The following FGL1 variants were observed in gnomAD, a reference collection of about 807,000 sequenced individuals.
FGL1 encodes fibrinogen like 1.
FGL1 carries 59 observed loss-of-function variants against 43.7 expected under a neutral mutation model. The observed-to-expected ratio is 1.35, with a 90% confidence interval of 1.10 to 1.68. The LOEUF (loss-of-function observed/expected upper bound fraction) is 1.68, where lower values mean the gene tolerates loss of function less well. Ranked by LOEUF, FGL1 falls within the 40% of genes most tolerant of loss-of-function variation. The probability of loss-of-function intolerance (pLI) is 0.00; values close to 1 mark genes in which losing one functional copy is unlikely to be tolerated. For synonymous variants in FGL1, 192 were observed against 126.5 expected, an observed-to-expected ratio of 1.52 and a Z score of -3.48; for missense variants, 596 against 373.0, an observed-to-expected ratio of 1.60 and a Z score of -4.92.
chr8:17,894,722 C>T (rs1329630696), intron 1 of FGL1, among the ~76,000 whole-genome samples: 1 of 146,468 alleles, frequency 6.8e-6, no homozygotes, highest in East Asian at 1.9e-4. Flanking sequence ...CAAAAAACGC[C>T]TAGAGCTTAA....
intron 2 of FGL1, chr8:17,882,738 T>C (rs1451895111): frequency 3.6e-5 from 4 of 112,588 alleles, no homozygotes; most frequent in Admixed American, 9.6e-5. Context: ...TGCATATAAA[T>C]AATATATAAT....
rs559630867 is a variant in FGL1 at position 17,876,542 on chromosome 8, T to C, written c.245-2021A>G. ...CTAAATTATAAAAAGGATCCTGTTT[T>C]GGCAATTAAACAAGAAGCAAAACAA... On this transcript the variant is annotated intron_variant, in intron 3 of 7. Transcript: ENST00000427924. 2.6e-5 allele frequency among the ~76,000 whole-genome samples: 4 copies of C among 152,318 alleles called. No individual in the cohort carries two copies. The East Asian group carries it at 5.8e-4, about 22-fold the overall frequency.
Position 17,895,377 on chromosome 8 carries a change from T to G in FGL1, c.-18+70A>C. The G allele has an allele frequency of 2.4e-6, 3 of 1,272,322 alleles. No individual in the cohort carries two copies. The South Asian group carries it at 3.8e-5, about 16-fold the overall frequency. 78.8% of individuals were successfully genotyped at this position (1,272,322 alleles called of 1,614,324 possible). ...TGGTTGTTACCTGAGTTTTGGTTAC[T>G]ATCATACCTGTGAAATAAATTAGCA... On this transcript the variant is annotated intron_variant, in intron 1 of 7. Coordinates refer to ENST00000427924, the MANE Select transcript of FGL1 (RefSeq NM_004467.4).
chr8:17,874,390 G>T lies in FGL1; in HGVS notation c.376C>A (p.Arg126=), dbSNP rs61744652. 2 of 1,613,786 alleles carry T rather than the reference G, an allele frequency of 1.2e-6. No individual in the cohort carries two copies. Among genetic ancestry groups the T allele is most frequent in the Non-Finnish European group, 1.7e-6 (2 of 1,179,866 alleles). ...TTAAAGTTTTCACTGCCATCAGATC[G>T]TCTCTGAATTACAGTCCATCCTCCT... is the stretch of plus-strand genomic sequence containing the variant. The part of the protein sequence containing the change: ...DGGGWTVIQR[R]SDGSENFNRG... Residue 126 remains arginine, a synonymous_variant, in exon 4 of 8, where the codon CGA becomes AGA. Coordinates refer to ENST00000427924, the MANE Select transcript of FGL1 (RefSeq NM_004467.4).
intron 3 of FGL1, among the ~76,000 whole-genome samples, chr8:17,879,772 C>T (rs907953570): frequency 2.0e-5 from 3 of 152,012 alleles, no homozygotes; most frequent in Non-Finnish European, 2.9e-5. Context: ...TTCGTTATAG[C>T]GGTATGAGAA....
At chr8:17,868,784 T>C (rs759531418) in intron 6 of FGL1, 49 bp from the exon 7 acceptor site, 32 of 1,532,256 alleles carry the variant, frequency 2.1e-5, no homozygotes, top group Non-Finnish European at 2.8e-5. Flanking sequence ...TCTATGACCA[T>C]TTTAAAATTA....
In FGL1 at chr8:17,895,488, C is replaced by A. The variant is rs774817160; in HGVS notation, c.-59G>T. 2.4e-5 allele frequency: 31 copies of A among 1,285,386 alleles called. No individual in the cohort carries two copies. The highest frequency in any genetic ancestry group is 3.0e-5 in the Non-Finnish European group (30 of 985,206). The allele number at this position is 1,285,386 out of a possible 1,614,324, so 79.6% of individuals were successfully genotyped here. On this transcript the variant is annotated 5_prime_UTR_variant, in exon 1 of 8. Transcript: ENST00000427924. ...GTCAGAGACCCAGCTCAGGTTCCAT[C>A]CAGACACTCTGCTTCCCAGGATCCT...
At chr8:17,869,385 GA>G (rs1198773214) in intron 5 of FGL1, among the ~76,000 whole-genome samples, 1 of 152,120 alleles carries the variant, frequency 6.6e-6, no homozygotes, top group African/African-American at 2.4e-5. Context: ...TAAGAATGTT[GA>G]TCTTGAATAT....
chr8:17,877,896 A>G (rs2517307), intron 3 of FGL1, among the ~76,000 whole-genome samples: 109,713 of 151,618 alleles, frequency 0.72, 40,225 homozygotes, highest in Non-Finnish European at 0.79. Flanking sequence ...AATAATGTCC[A>G]TAGATAGCTG....
At chr8:17,876,112 A>C (rs1016775234) in intron 3 of FGL1, among the ~76,000 whole-genome samples, 1 of 152,212 alleles carries the variant, frequency 6.6e-6, no homozygotes, top group Non-Finnish European at 1.5e-5. Context: ...CAAACATTTG[A>C]ATAAAAATAC....
Position 17,864,720 on chromosome 8 carries a change from A to G in FGL1, c.811T>C (p.Tyr271His), listed in dbSNP as rs1160338060. ...GTTTTAGCCGTGTAGGGGCCGCTGT[A>G]GTATACACCATTCAGGTTTGCAGAG... ...CHSANLNGVY[Y>H]SGPYTAKTDN... Residue 271 changes from tyrosine to histidine, a missense_variant, in exon 8 of 8, where the codon TAC (tyrosine) becomes CAC (histidine). By Grantham distance (83) the Tyr-to-His change is moderately conservative (BLOSUM62 2). Transcript: ENST00000427924. The G allele has an allele frequency of 1.3e-6, 2 of 1,592,640 alleles. No homozygotes were observed. Among genetic ancestry groups the G allele is most frequent in the Non-Finnish European group, 8.5e-7 (1 of 1,172,334 alleles).
intron 1 of FGL1, among the ~76,000 whole-genome samples, chr8:17,889,026 A>G (rs1226310050): frequency 2.6e-5 from 4 of 152,170 alleles, no homozygotes; most frequent in African/African-American, 9.7e-5. Context: ...TGGGACAGTA[A>G]GCGTAGTTCC....
chr8:17,891,136 A>G (rs926361372), intron 1 of FGL1: 2 of 152,156 alleles, frequency 1.3e-5, no homozygotes, highest in Non-Finnish European at 2.9e-5. Flanking sequence ...GGCTACATCT[A>G]TTATGTATAC....
In FGL1 at chr8:17,874,995, A is replaced by T. The variant is rs114378712; in HGVS notation, c.245-474T>A. 1.3e-3 allele frequency among the ~76,000 whole-genome samples: 195 copies of T among 152,206 alleles called. 1 individual carries two copies. The highest frequency in any genetic ancestry group is 4.5e-3 in the African/African-American group (185 of 41,540). ...AACAAGTTATGAGTAGTCTGTTAAT[A>T]ACAGTATATTTAGGTGGAACTTACA... On this transcript the variant is annotated intron_variant, in intron 3 of 7. Coordinates refer to ENST00000427924, the MANE Select transcript of FGL1 (RefSeq NM_004467.4).
chr8:17,889,745 C>G, intron 1 of FGL1, among the ~76,000 whole-genome samples: 1 of 152,298 alleles, frequency 6.6e-6, no homozygotes, highest in Non-Finnish European at 1.5e-5. Flanking sequence ...CCTGGTTAAT[C>G]CTTTCTTACT....
intron 7 of FGL1, among the ~76,000 whole-genome samples, chr8:17,865,552 T>G (rs1265791871): frequency 6.6e-6 from 1 of 152,222 alleles, no homozygotes; most frequent in Non-Finnish European, 1.5e-5. Flanking sequence ...GTTGCTGAGT[T>G]AATTTTTTAC....
intron 1 of FGL1, among the ~76,000 whole-genome samples, chr8:17,888,418 C>T (rs2053659917): frequency 1.3e-5 from 2 of 152,132 alleles, no homozygotes; most frequent in South Asian, 4.1e-4. Flanking sequence ...AAGATAAAAA[C>T]ATTGACTGCA....
chr8:17,880,191 T>C (rs2467073), intron 3 of FGL1, among the ~76,000 whole-genome samples: 29,274 of 151,932 alleles, frequency 0.19, 3,819 homozygotes, highest in African/African-American at 0.37. Context: ...TTCTGATCTC[T>C]AAGGGCCAGA....
At chr8:17,890,739 G>A (rs904882113) in intron 1 of FGL1, among the ~76,000 whole-genome samples, 2 of 152,162 alleles carry the variant, frequency 1.3e-5, no homozygotes, top group African/African-American at 4.8e-5. Flanking sequence ...GAAACTTACA[G>A]TCGTGGTGGA....
Sources: gnomAD v4.1 joint callset for allele counts (sites outside exome capture counted in the v4.1 genomes callset) on GRCh38, gnomAD v4.1.1 for gene constraint, MANE v1.5 for transcripts, NCBI Gene and HGNC (gene_info 2026-07-23, HGNC 2026-07-21) for gene names.